Variants in JADE3 observed in about 807,000 individuals in gnomAD.
JADE3 encodes jade family PHD finger 3.
In JADE3, 2 loss-of-function variants were observed where a neutral mutation model predicts 50.1. The observed-to-expected ratio is 0.04, with a 90% CI of 0.02 to 0.13. The LOEUF (loss-of-function observed/expected upper bound fraction) is 0.13, where lower values mean the gene tolerates loss of function less well. JADE3 is among the 10% of genes least tolerant of loss of function. JADE3 has a pLI of 1.00. For synonymous variants in JADE3, 218 were observed against 232.9 expected (o/e 0.94, Z 0.58); for missense variants, 475 against 634.4 (o/e 0.75, Z 2.70).
chrX:47,049,763 T>TC (rs1556371545), intron 8 of JADE3, among the ~76,000 whole-genome samples: 1 of 91,483 alleles, frequency 1.1e-5, no homozygotes, highest in East Asian at 3.4e-4. Flanking sequence ...TTCTTTTTTT[T>TC]TTTTTTTTTT....
chrX:46,917,854 T>TCTCTCA (rs1370488484), intron 1 of JADE3, among the ~76,000 whole-genome samples: 1 of 69,203 alleles, frequency 1.4e-5, no homozygotes, highest in Non-Finnish European at 2.8e-5. Context: ...TCTCTCTCTC[T>TCTCTCA]CATCCTCTCT....
chrX:47,018,898 C>T (rs1037866295), intron 4 of JADE3, among the ~76,000 whole-genome samples: 2 of 111,790 alleles, frequency 1.8e-5, no homozygotes, highest in Non-Finnish European at 3.8e-5. Flanking sequence ...CAACTGAAGG[C>T]TTATTCACTG....
rs1556373917 is a variant in JADE3 at position 47,058,452 on chromosome X, C to G, written c.1847C>G (p.Ala616Gly). ...AGTCTCAGCCATTCTAGGAGTGAAG[C>G]AAAGGAGTCCAGTCCTGCTTGGAGA... Reference protein sequence around the residue: ...LASLSHSRSEAKESSPAWRTP... With the variant: ...LASLSHSRSEGKESSPAWRTP... The change falls in exon 11 of 11, where the codon GCA (alanine) becomes GGA (glycine). Residue 616 changes from alanine (A) to glycine (G), a missense_variant. Physicochemically the swap from Ala to Gly is moderately conservative, Grantham distance 60. This residue lies in a region of JADE3 where 243 missense variants were observed against 238.2 expected (regional missense o/e 1.02). Coordinates refer to ENST00000614628, the MANE Select transcript of JADE3 (RefSeq NM_014735.5). The G allele has an allele frequency of 4.1e-6, 5 of 1,209,402 alleles. No individual in the cohort carries two copies. Among genetic ancestry groups the G allele is most frequent in the Non-Finnish European group, 5.6e-6 (5 of 894,946 alleles).
At chrX:46,925,822 T>TA (rs35435904) in intron 1 of JADE3, among the ~76,000 whole-genome samples, 826 of 79,536 alleles carry the variant, frequency 0.01, 12 homozygotes, top group African/African-American at 0.031. Flanking sequence ...AGACTCCGTC[T>TA]AAAAAAAAAA....
At chrX:46,924,852 T>G (rs1210562106) in intron 1 of JADE3, among the ~76,000 whole-genome samples, 1 of 112,525 alleles carries the variant, frequency 8.9e-6, no homozygotes, top group Admixed American at 9.4e-5. Context: ...CATGATTTTA[T>G]CTATTTAGAT....
intron 6 of JADE3, among the ~76,000 whole-genome samples, chrX:47,033,383 G>C (rs189153316): frequency 1.8e-5 from 2 of 111,821 alleles, no homozygotes; most frequent in Non-Finnish European, 3.8e-5. Context: ...GTATCTCCTC[G>C]TCTTGTTCTA....
At chrX:46,927,533 A>G (rs1406866976) in intron 1 of JADE3, among the ~76,000 whole-genome samples, 5 of 112,013 alleles carry the variant, frequency 4.5e-5, no homozygotes, top group Admixed American at 9.5e-5. Context: ...CCCTGTCAAC[A>G]CTGAAGAATC....
intron 1 of JADE3, among the ~76,000 whole-genome samples, chrX:46,925,344 T>C (rs1926332058): frequency 8.9e-6 from 1 of 112,578 alleles, no homozygotes; most frequent in South Asian, 3.6e-4. Flanking sequence ...CTCTCAAATT[T>C]ATTTAACTTT....
intron 1 of JADE3, among the ~76,000 whole-genome samples, chrX:46,915,663 G>A (rs151065126): frequency 7.5e-4 from 83 of 110,758 alleles, no homozygotes; most frequent in Middle Eastern, 9.2e-3. Context: ...CTCCCTCATG[G>A]TTATTTTTGC....
chrX:47,021,109 C>T (rs1928784450), intron 4 of JADE3, among the ~76,000 whole-genome samples: 1 of 109,962 alleles, frequency 9.1e-6, no homozygotes, highest in Admixed American at 9.8e-5. Flanking sequence ...GAAAATATTA[C>T]CAACACCCAA....
At position 47,058,588 on chromosome X, in the gene JADE3, C is replaced by T; in HGVS notation, c.1983C>T (p.Ser661=). 1 of 1,210,856 alleles carries T rather than the reference C, an allele frequency of 8.3e-7. No individual in the cohort carries two copies. The highest frequency in any genetic ancestry group is 2.2e-5 in the Admixed American group (1 of 45,858). The change falls in exon 11 of 11, where the codon TCC becomes TCT. Residue 661 remains serine, a synonymous_variant. Transcript: ENST00000614628. ...GGAATGGGAAAAGTCAGCCTAACTC[C>T]AAGTTTGCCAAATCCAATGGCCTGG... The part of the protein sequence containing the change: ...SIGNGKSQPN[S]KFAKSNGLEG...
rs1222650418 is a variant in JADE3 at position 46,975,521 on chromosome X, AC to A, written c.-11-9362del. ...AAAACCAATTTTTATACATTTTAAA[AC>A]ATCTTAGCATAAATGTTTCCCTGTA... On this transcript the variant is annotated intron_variant, in intron 1 of 10. Transcript: ENST00000614628. Among the ~76,000 whole-genome samples, 5 of 110,406 alleles carry A rather than the reference AC, an allele frequency of 4.5e-5. No individual in the cohort carries two copies. In the East Asian group the frequency reaches 1.4e-3, roughly 31 times the overall value.
At chrX:46,952,754 T>C (rs782524932) in intron 1 of JADE3, among the ~76,000 whole-genome samples, 3 of 111,664 alleles carry the variant, frequency 2.7e-5, no homozygotes, top group African/African-American at 9.8e-5. Flanking sequence ...TCCCAGCACT[T>C]TGGGAGGCCG....
chrX:46,934,143 TG>T (rs1462551922), intron 1 of JADE3, among the ~76,000 whole-genome samples: 1 of 111,719 alleles, frequency 9.0e-6, no homozygotes, highest in East Asian at 2.8e-4. Context: ...ATTTTCATTT[TG>T]TTTTTTTTAA....
intron 3 of JADE3, among the ~76,000 whole-genome samples, chrX:46,995,499 A>C (rs3135219): frequency 0.28 from 30,941 of 110,047 alleles, 4,204 homozygotes; most frequent in Non-Finnish European, 0.41. Context: ...TTTTTTGTTA[A>C]GTTTTTGGTT....
intron 8 of JADE3, among the ~76,000 whole-genome samples, chrX:47,045,866 A>G (rs1447993118): frequency 1.8e-5 from 2 of 111,026 alleles, no homozygotes; most frequent in Non-Finnish European, 3.8e-5. Flanking sequence ...TGGGAACACA[A>G]CATACCAAAA....
At chrX:47,052,643 A>C (rs1305505193) in intron 8 of JADE3, among the ~76,000 whole-genome samples, 1 of 107,306 alleles carries the variant, frequency 9.3e-6, no homozygotes, top group Non-Finnish European at 1.9e-5. Context: ...CAAAAAAAAA[A>C]AAAAAAAAAA....
chrX:46,945,690 T>C (rs1270323554), intron 1 of JADE3, among the ~76,000 whole-genome samples: 1 of 111,836 alleles, frequency 8.9e-6, no homozygotes, highest in Non-Finnish European at 1.9e-5. Flanking sequence ...TCACTAGGAT[T>C]CTGAACTGAG....
intron 1 of JADE3, among the ~76,000 whole-genome samples, chrX:46,981,385 A>G (rs1733734242): frequency 8.9e-6 from 1 of 112,398 alleles, no homozygotes; most frequent in South Asian, 3.7e-4. Context: ...AGATCTGTGC[A>G]TTCAGTGGGG....
Sources: gnomAD v4.1 joint callset for allele counts (sites outside exome capture counted in the v4.1 genomes callset) on GRCh38, gnomAD v4.1.1 for gene constraint, gnomAD v4.1.1 regional missense constraint, MANE v1.5 for transcripts, NCBI Gene and HGNC (gene_info 2026-07-23, HGNC 2026-07-21) for gene names.